KAZN: variants seen among roughly 807,000 people sequenced by gnomAD.
The protein encoded by KAZN is kazrin, periplakin interacting protein, also known as kazrin.
In KAZN, 40 loss-of-function variants were observed where a neutral mutation model predicts 87.4. The ratio of observed to expected loss-of-function variants is 0.46; its 90% CI spans 0.36 to 0.60. The LOEUF (loss-of-function observed/expected upper bound fraction) is 0.60, where lower values mean the gene tolerates loss of function less well. KAZN is among the 20% of genes least tolerant of loss of function. KAZN has a pLI of 0.00. For synonymous variants in KAZN, 466 were observed against 458.3 expected (o/e 1.02, Z -0.22); for missense variants, 898 against 1,073.9 (o/e 0.84, Z 2.29).
intron 2 of KAZN, among the ~76,000 whole-genome samples, chr1:14,588,521 G>A (rs896994047): frequency 3.3e-5 from 5 of 152,220 alleles, no homozygotes; most frequent in African/African-American, 9.6e-5. Flanking sequence ...CTTCCGAAGG[G>A]AACTTACGCA....
At chr1:14,213,994 G>A (rs1382221565) in intron 2 of KAZN, among the ~76,000 whole-genome samples, 11 of 152,226 alleles carry the variant, frequency 7.2e-5, no homozygotes, top group Admixed American at 7.2e-4. Flanking sequence ...GGTGGTCTGA[G>A]CAGATTTGGC....
chr1:14,258,159 ACTGTCC>A (rs1326710052), intron 2 of KAZN, among the ~76,000 whole-genome samples: 1 of 136,488 alleles, frequency 7.3e-6, no homozygotes, highest in Non-Finnish European at 1.7e-5. Flanking sequence ...CTGTCCCAAA[ACTGTCC>A]CAAAACTGTA....
intron 2 of KAZN, among the ~76,000 whole-genome samples, chr1:14,206,592 TA>T (rs1005682662): frequency 4.6e-5 from 7 of 151,794 alleles, no homozygotes; most frequent in African/African-American, 7.3e-5. Context: ...ACAAGTGTTT[TA>T]AAAAAAATAA....
At chr1:14,039,989 T>G (rs1175993918) in intron 1 of KAZN, among the ~76,000 whole-genome samples, 2 of 152,190 alleles carry the variant, frequency 1.3e-5, no homozygotes, top group Non-Finnish European at 2.9e-5. Context: ...GTTAGATAAA[T>G]CTTACTTGGG....
At chr1:14,936,008 C>T (rs1660412790) in intron 1 of KAZN, among the ~76,000 whole-genome samples, 1 of 152,254 alleles carries the variant, frequency 6.6e-6, no homozygotes, top group South Asian at 2.1e-4. Context: ...CCAAGCCCCC[C>T]TGCCCTTGGG....
chr1:14,561,435 C>T (rs1431371991), intron 2 of KAZN, among the ~76,000 whole-genome samples: 1 of 152,184 alleles, frequency 6.6e-6, no homozygotes, highest in Non-Finnish European at 1.5e-5. Flanking sequence ...TTTCCCAACA[C>T]TGGCTTGATT....
Position 14,154,008 on chromosome 1 carries a change from A to C in KAZN, c.92-26427A>C, listed in dbSNP as rs370234204. Among the ~76,000 whole-genome samples, 6 of 152,000 alleles carry C rather than the reference A, an allele frequency of 3.9e-5. No homozygotes were observed. In the East Asian group the frequency reaches 7.7e-4, roughly 20 times the overall value. On this transcript the variant is annotated intron_variant, in intron 1 of 16. Coordinates refer to the KAZN transcript ENST00000636203. The stretch of plus-strand genomic sequence containing the variant: ...TCTGGGTCTTTTGTGGTTACATATA[A>C]ATTTTAGGATTTTTTTTCTACTTAT...
At chr1:14,879,583 G>T (rs116090050) in intron 1 of KAZN, among the ~76,000 whole-genome samples, 48 of 152,246 alleles carry the variant, frequency 3.2e-4, no homozygotes, top group African/African-American at 1.1e-3. Context: ...CTGATTTCAG[G>T]ATCAGAAATG....
chr1:14,576,635 T>C (rs1675203896), intron 2 of KAZN, among the ~76,000 whole-genome samples: 1 of 152,210 alleles, frequency 6.6e-6, no homozygotes, highest in African/African-American at 2.4e-5. Context: ...CTGGTCTTGG[T>C]TTCTGTGAAA....
intron 1 of KAZN, among the ~76,000 whole-genome samples, chr1:13,996,040 C>G (rs528173383): frequency 1.3e-5 from 2 of 150,008 alleles, no homozygotes; most frequent in African/African-American, 4.8e-5. Context: ...GTCATCACAA[C>G]GGACTAGGAG....
At chr1:14,681,160 C>T (rs1490930649) in intron 1 of KAZN, among the ~76,000 whole-genome samples, 1 of 152,196 alleles carries the variant, frequency 6.6e-6, no homozygotes. Context: ...AAACACCTCC[C>T]ACCAGGCCCC....
intron 2 of KAZN, among the ~76,000 whole-genome samples, chr1:14,547,534 G>A (rs909017562): frequency 2.6e-5 from 4 of 152,098 alleles, no homozygotes; most frequent in African/African-American, 9.7e-5. Flanking sequence ...ATCAAAACAA[G>A]GTTCCCTGAT....
intron 2 of KAZN, among the ~76,000 whole-genome samples, chr1:15,027,067 C>CTTTTTTTT (rs1442824114): frequency 8.0e-5 from 5 of 62,210 alleles, no homozygotes; most frequent in African/African-American, 2.7e-4. Flanking sequence ...CAAGCCAGTG[C>CTTTTTTTT]TTCTTTTTTT....
chr1:14,154,332 T>A (rs1259371285), intron 1 of KAZN, among the ~76,000 whole-genome samples: 1 of 152,238 alleles, frequency 6.6e-6, no homozygotes, highest in African/African-American at 2.4e-5. Context: ...CTACTGATTT[T>A]GTATGTTTAT....
intron 2 of KAZN, among the ~76,000 whole-genome samples, chr1:14,410,257 C>T (rs890715934): frequency 5.9e-5 from 9 of 152,154 alleles, no homozygotes; most frequent in Admixed American, 3.3e-4. Flanking sequence ...GCACATGCCA[C>T]GATGCCCAGC....
intron 1 of KAZN, among the ~76,000 whole-genome samples, chr1:13,921,208 T>C (rs1291544181): frequency 6.6e-6 from 1 of 152,250 alleles, no homozygotes; most frequent in African/African-American, 2.4e-5. Flanking sequence ...TATCTAAATG[T>C]AATTTGATAT....
At chr1:14,037,167 A>C (rs72859438) in intron 1 of KAZN, among the ~76,000 whole-genome samples, 9,048 of 152,284 alleles carry the variant, frequency 0.059, 899 homozygotes, top group African/African-American at 0.21. Flanking sequence ...CACTGAATAC[A>C]TCATAGACCT....
At chr1:14,676,742 A>G (rs1420912409) in intron 1 of KAZN, among the ~76,000 whole-genome samples, 1 of 152,184 alleles carries the variant, frequency 6.6e-6, no homozygotes, top group Non-Finnish European at 1.5e-5. Context: ...AAATGTCCAG[A>G]ACAGGCAAAT....
At chr1:14,071,057 C>A (rs1468966537) in intron 1 of KAZN, among the ~76,000 whole-genome samples, 3 of 152,078 alleles carry the variant, frequency 2.0e-5, no homozygotes, top group East Asian at 1.9e-4. Context: ...CAGGCATAAA[C>A]CCCACCCATG....
Sources: allele counts gnomAD v4.1 joint callset (sites outside exome capture counted in the v4.1 genomes callset), GRCh38; gene constraint gnomAD v4.1.1; transcripts MANE v1.5; gene names NCBI Gene and HGNC (gene_info 2026-07-23, HGNC 2026-07-21).